The following IP6K1 variants were observed in gnomAD, a reference collection of about 807,000 sequenced individuals.
IP6K1 encodes the protein ATP:1D-myo-inositol-hexakisphosphate phosphotransferase.
Under a neutral mutation model 38.3 loss-of-function variants are expected in IP6K1, and 13 were observed. That is an observed-to-expected ratio of 0.34 (90% CI 0.22 to 0.54). The LOEUF (loss-of-function observed/expected upper bound fraction) is 0.54, where lower values mean the gene tolerates loss of function less well. IP6K1 is among the 20% of genes least tolerant of loss of function. IP6K1 has a pLI of 0.92. For missense variants in IP6K1, 397 were observed against 599.8 expected (o/e 0.66, Z 3.53); for synonymous variants, 212 against 229.9 (o/e 0.92, Z 0.70).
intron 1 of IP6K1, among the ~76,000 whole-genome samples, chr3:49,761,393 G>A (rs1009157893): frequency 3.3e-5 from 5 of 151,956 alleles, no homozygotes; most frequent in African/African-American, 1.2e-4. Flanking sequence ...TTGGGAGGCC[G>A]AGGCGGGCGG....
chr3:49,747,364 T>C (rs1259493467), intron 2 of IP6K1, among the ~76,000 whole-genome samples: 3 of 152,218 alleles, frequency 2.0e-5, no homozygotes, highest in Non-Finnish European at 4.4e-5. Flanking sequence ...ATATCAGGAC[T>C]TCCAGGCCCC....
chr3:49,745,760 C>CTGAGGA (rs1426096817), intron 2 of IP6K1, among the ~76,000 whole-genome samples: 7 of 120,766 alleles, frequency 5.8e-5, no homozygotes, highest in Non-Finnish European at 1.2e-4. Context: ...GAGGCTGAGG[C>CTGAGGA]AGAAGAATCG....
chr3:49,784,502 G>A (rs1014903950), intron 1 of IP6K1, among the ~76,000 whole-genome samples: 15 of 151,638 alleles, frequency 9.9e-5, no homozygotes, highest in Non-Finnish European at 7.4e-5. Flanking sequence ...GAAATTAGCC[G>A]GGCATGGTGG....
intron 2 of IP6K1, among the ~76,000 whole-genome samples, chr3:49,746,006 C>T (rs565169561): frequency 6.6e-6 from 1 of 152,268 alleles, no homozygotes; most frequent in South Asian, 2.1e-4. Flanking sequence ...GTCAAAGCCA[C>T]AGATACCACA....
intron 1 of IP6K1, among the ~76,000 whole-genome samples, chr3:49,783,555 AC>A (rs943680075): frequency 3.9e-5 from 6 of 151,970 alleles, no homozygotes; most frequent in African/African-American, 1.2e-4. Context: ...TCCTAAAAAT[AC>A]AAAAAAATTG....
At chr3:49,772,387 T>A (rs969454196) in intron 1 of IP6K1, among the ~76,000 whole-genome samples, 2 of 149,952 alleles carry the variant, frequency 1.3e-5, no homozygotes, top group African/African-American at 4.9e-5. Flanking sequence ...TATACATATA[T>A]TGTCTTCTTA....
At chr3:49,738,103 CAGTCATCTTATCCA>C (rs1394578773) in intron 3 of IP6K1, 95 bp downstream of exon 3, 2 of 858,170 alleles carry the variant, frequency 2.3e-6, no homozygotes, top group African/African-American at 3.3e-5. Context: ...CCAAGAACAC[CAGTCATCTTATCCA>C]ACCTTGACTG....
At chr3:49,779,117 CTT>C (rs1358909907) in intron 1 of IP6K1, among the ~76,000 whole-genome samples, 2 of 152,190 alleles carry the variant, frequency 1.3e-5, no homozygotes, top group Non-Finnish European at 2.9e-5. Context: ...CTTAAGCTAT[CTT>C]TTTCCCTATC....
In IP6K1 at chr3:49,725,282, C is replaced by T. The variant is rs1056852705; in HGVS notation, c.*1840G>A. The T allele has an allele frequency of 6.6e-6, 1 of 152,572 alleles. No homozygotes were observed. The highest frequency in any genetic ancestry group is 1.5e-5 in the Non-Finnish European group (1 of 68,070). The allele number at this position is 152,572 out of a possible 1,614,324, so 9.5% of individuals were successfully genotyped here. A position where few individuals can be genotyped will look rare whatever the true frequency, so the allele number is the denominator to read the frequency against. On this transcript the variant is annotated 3_prime_UTR_variant, in exon 6 of 6. Coordinates refer to ENST00000321599, the MANE Select transcript of IP6K1 (RefSeq NM_153273.4). The stretch of plus-strand genomic sequence containing the variant: ...CAAAAGGTCCCAAACAGTTCCAGAC[C>T]CTATGTCTTACCCTCCACCCTACCA...
At chr3:49,763,385 A>G (rs1408265506) in intron 1 of IP6K1, among the ~76,000 whole-genome samples, 1 of 151,416 alleles carries the variant, frequency 6.6e-6, no homozygotes, top group African/African-American at 2.4e-5. Flanking sequence ...GATTACAGGT[A>G]TGAGCCACCG....
At chr3:49,758,954 A>T (rs928059437) in intron 1 of IP6K1, among the ~76,000 whole-genome samples, 4 of 110,108 alleles carry the variant, frequency 3.6e-5, no homozygotes, top group Admixed American at 1.1e-4. Context: ...CTCAAAAAAA[A>T]AAAATACCCA....
intron 1 of IP6K1, among the ~76,000 whole-genome samples, chr3:49,764,736 TG>T (rs2080895749): frequency 6.6e-6 from 1 of 151,852 alleles, no homozygotes; most frequent in South Asian, 2.1e-4. Flanking sequence ...AAAATTAGCC[TG>T]GCGTGGTAGT....
chr3:49,746,594 G>A (rs1417836487), intron 2 of IP6K1, among the ~76,000 whole-genome samples: 1 of 147,636 alleles, frequency 6.8e-6, no homozygotes, highest in African/African-American at 2.5e-5. Context: ...CGCTTCGCTT[G>A]AACCCGGGAG....
Position 49,748,764 on chromosome 3 carries a change from G to A in IP6K1, c.-128-596C>T, listed in dbSNP as rs149214030. 9.5e-3 allele frequency: 1,457 copies of A among 152,864 alleles called. 9 individuals are homozygous for A. The highest frequency in any genetic ancestry group is 0.031 in the Middle Eastern group (9 of 294). The allele number at this position is 152,864 out of a possible 1,614,324, so 9.5% of individuals were successfully genotyped here. ...ATGGAAGACAACTTTTCCACAGAAC[G>A]GGTGTGGGGGCGATGGTTTCAGCAT... On this transcript the variant is annotated intron_variant, in intron 1 of 5. Coordinates refer to ENST00000321599, the MANE Select transcript of IP6K1 (RefSeq NM_153273.4).
chr3:49,769,185 A>G (rs991409561), intron 1 of IP6K1, among the ~76,000 whole-genome samples: 1 of 152,202 alleles, frequency 6.6e-6, no homozygotes, highest in Non-Finnish European at 1.5e-5. Flanking sequence ...TAAGATGTCA[A>G]TTCTCCCCAA....
chr3:49,739,682 T>C (rs1256369246), intron 2 of IP6K1, among the ~76,000 whole-genome samples: 1 of 151,884 alleles, frequency 6.6e-6, no homozygotes, highest in Non-Finnish European at 1.5e-5. Flanking sequence ...CTTCTTCTTC[T>C]TAAGAGACAG....
rs1319813824 is a variant in IP6K1, at chr3:49,726,871, C to A, written c.*251G>T. On this transcript the variant is annotated 3_prime_UTR_variant, in exon 6 of 6. Transcript: ENST00000321599. ...CCAAGCCCACCAGGGGCACCTCTTC[C>A]TTCCTAAGGCAGCCTGGACACACCA... 6 of 467,606 alleles carry A rather than the reference C, an allele frequency of 1.3e-5. No homozygotes were observed. Among genetic ancestry groups the A allele is most frequent in the Non-Finnish European group, 2.2e-5 (6 of 267,446 alleles). The allele number at this position is 467,606 out of a possible 1,614,324, so 29.0% of individuals were successfully genotyped here.
chr3:49,750,416 C>T (rs947254043), intron 1 of IP6K1, among the ~76,000 whole-genome samples: 3 of 152,026 alleles, frequency 2.0e-5, no homozygotes, highest in Non-Finnish European at 2.9e-5. Flanking sequence ...GGAAATAGGC[C>T]GGGTGCAGTG....
intron 1 of IP6K1, among the ~76,000 whole-genome samples, chr3:49,780,408 A>G (rs575991693): frequency 2.0e-4 from 30 of 151,416 alleles, no homozygotes; most frequent in African/African-American, 5.8e-4. Flanking sequence ...ATGAAAACCT[A>G]TATTTAAAAA....
Sources: allele counts gnomAD v4.1 joint callset (sites outside exome capture counted in the v4.1 genomes callset), GRCh38; gene constraint gnomAD v4.1.1; transcripts MANE v1.5; gene names NCBI Gene and HGNC (gene_info 2026-07-23, HGNC 2026-07-21).